Variants in PSME4 observed in about 807,000 individuals in gnomAD.
PSME4 encodes proteasome activator complex subunit 4.
In PSME4, 89 loss-of-function variants were observed where a neutral mutation model predicts 253.9. The ratio of observed to expected loss-of-function variants is 0.35; its 90% CI spans 0.30 to 0.42. PSME4 has a LOEUF of 0.42. Among genes scored for constraint, PSME4 ranks in the 10% least tolerant of loss-of-function variants. The pLI, the probability that PSME4 is intolerant of heterozygous loss-of-function variation, is 1.00. For synonymous variants in PSME4, 851 were observed against 759.2 expected (o/e 1.12, Z -1.99); for missense variants, 2,014 against 2,195.2 (o/e 0.92, Z 1.65).
intron 1 of PSME4, among the ~76,000 whole-genome samples, chr2:53,951,323 C>A (rs1049820251): frequency 1.2e-4 from 18 of 152,164 alleles, no homozygotes; most frequent in Non-Finnish European, 2.2e-4. Context: ...CCTTGAGATC[C>A]CCCCTGCCTT....
intron 20 of PSME4, among the ~76,000 whole-genome samples, chr2:53,914,943 G>A (rs917567249): frequency 6.6e-6 from 1 of 152,178 alleles, no homozygotes; most frequent in African/African-American, 2.4e-5. Flanking sequence ...CATCCCCAAA[G>A]TGGATACCAT....
chr2:53,956,395 TG>T (rs1269933812), intron 1 of PSME4, among the ~76,000 whole-genome samples: 2 of 151,372 alleles, frequency 1.3e-5, no homozygotes, highest in Non-Finnish European at 2.9e-5. Flanking sequence ...CAGGGCATGG[TG>T]GTTAGTGCCT....
intron 28 of PSME4, among the ~76,000 whole-genome samples, chr2:53,900,725 T>G (rs1680358639): frequency 6.6e-6 from 1 of 152,206 alleles, no homozygotes; most frequent in African/African-American, 2.4e-5. Flanking sequence ...AGCAACCCTA[T>G]GTTTGATTTA....
At position 53,937,440 on chromosome 2, in the gene PSME4, T is replaced by C. The variant is rs1669175626; in HGVS notation, c.646A>G (p.Ile216Val). 2 of 1,609,950 alleles carry C rather than the reference T, an allele frequency of 1.2e-6. No homozygotes were observed. Among genetic ancestry groups the C allele is most frequent in the Non-Finnish European group, 8.5e-7 (1 of 1,177,566 alleles). The change falls in exon 5 of 47, where the codon ATA (isoleucine) becomes GTA (valine). Residue 216 changes from isoleucine to valine, a missense_variant. Ile to Val is a conservative substitution (Grantham distance 29). Around this residue, in one of 4 missense-constraint regions of PSME4, gnomAD observed 615 missense variants for 594.4 expected, o/e 1.03. Coordinates refer to ENST00000404125, the MANE Select transcript of PSME4 (RefSeq NM_014614.3). ...TMQKAITYFE[I>V]FLPTSLPPEL... ...GGAGGAAGGGAGGTAGGAAGAAATA[T>C]TTCAAAATAAGTGATGGCCTTTTGC...
intron 20 of PSME4, among the ~76,000 whole-genome samples, chr2:53,911,543 C>G (rs1437436770): frequency 6.6e-6 from 1 of 152,102 alleles, no homozygotes; most frequent in African/African-American, 2.4e-5. Flanking sequence ...GAGAAAAGGC[C>G]TGTACTCAAG....
intron 34 of PSME4, among the ~76,000 whole-genome samples, chr2:53,894,126 C>A (rs1157676004): frequency 6.6e-6 from 1 of 152,146 alleles, no homozygotes; most frequent in Admixed American, 6.5e-5. Context: ...ATCCCCAAAA[C>A]TATAAGTCAA....
At chr2:53,924,521 G>C (rs1413165458) in intron 14 of PSME4, among the ~76,000 whole-genome samples, 1 of 152,164 alleles carries the variant, frequency 6.6e-6, no homozygotes, top group Non-Finnish European at 1.5e-5. Flanking sequence ...CCATCAGTTA[G>C]TCTTAGGATT....
intron 6 of PSME4, 38 bp downstream of exon 6, chr2:53,936,726 A>T: frequency 7.0e-7 from 1 of 1,433,728 alleles, no homozygotes; most frequent in African/African-American, 1.5e-5. Flanking sequence ...AGAAAAAAAA[A>T]ACTATAGGGG....
chr2:53,938,077 T>C (rs574666697), intron 4 of PSME4, among the ~76,000 whole-genome samples: 3 of 152,182 alleles, frequency 2.0e-5, no homozygotes, highest in South Asian at 2.1e-4. Context: ...CACTATGAAG[T>C]TGATAAAACT....
chr2:53,916,867 A>G (rs1005517683), intron 20 of PSME4, among the ~76,000 whole-genome samples: 3 of 152,132 alleles, frequency 2.0e-5, no homozygotes, highest in Non-Finnish European at 4.4e-5. Context: ...AGAACTTGCA[A>G]AAGTCAAAGG....
rs550465658 is a variant in PSME4 at position 53,878,122 on chromosome 2, C to A, written c.4816-2367G>T. The stretch of plus-strand genomic sequence containing the variant: ...AAGTCAGGGACCCCAAACGGAGGGA[C>A]CGGCTGAAGCCATGGCAGAAGAACA... On this transcript the variant is annotated intron_variant, in intron 41 of 46. Transcript: ENST00000404125. Among the ~76,000 whole-genome samples the A allele has an allele frequency of 5.3e-3, 806 of 152,280 alleles. 4 individuals are homozygous for A. The highest frequency in any genetic ancestry group is 0.01 in the Middle Eastern group (3 of 294).
At chr2:53,940,867 T>TATTTAAATATATAATAC (rs1553338338) in intron 3 of PSME4, among the ~76,000 whole-genome samples, 12 of 114,034 alleles carry the variant, frequency 1.1e-4, no homozygotes, top group Non-Finnish European at 2.1e-4. Context: ...ATATATAATA[T>TATTTAAATATATAATAC]ATATTTAAAT....
chr2:53,920,524 C>T (rs911564119), intron 18 of PSME4, among the ~76,000 whole-genome samples, 174 bp from the exon 19 acceptor site: 2 of 152,148 alleles, frequency 1.3e-5, no homozygotes, highest in Admixed American at 1.3e-4. Context: ...ACTGCCTCTT[C>T]GTTATCACTC....
In PSME4 at chr2:53,888,847, G is replaced by C. The variant is rs772105116; in HGVS notation, c.4297-35C>G. Reference sequence around the variant, plus strand: ...AAATATGATGTAACAGTTCAACAGAGAACCTACAATTCTGTAAACAAATCA... The same window carrying C: ...AAATATGATGTAACAGTTCAACAGACAACCTACAATTCTGTAAACAAATCA... On this transcript the variant is annotated intron_variant, in intron 37 of 46. Transcript: ENST00000404125. The C allele has an allele frequency of 1.1e-5, 16 of 1,452,090 alleles. No individual in the cohort carries two copies. The East Asian group carries it at 3.4e-4, about 31-fold the overall frequency. 90.0% of individuals were successfully genotyped at this position (1,452,090 alleles called of 1,614,324 possible). A position where few individuals can be genotyped will look rare whatever the true frequency, so the allele number is the denominator to read the frequency against.
At position 53,936,071 on chromosome 2, in the gene PSME4, C is replaced by A. The variant is rs1573328362; in HGVS notation, c.834+16G>T. ...ACCCCATGCCTGATAATTTTTTTCC[C>A]CAAAATGTTAATTACCTTTGGTACA... On this transcript the variant is annotated intron_variant, in intron 7 of 46. Coordinates refer to ENST00000404125, the MANE Select transcript of PSME4 (RefSeq NM_014614.3). 1 of 1,606,044 alleles carries A rather than the reference C, an allele frequency of 6.2e-7. No homozygotes were observed. Among genetic ancestry groups the A allele is most frequent in the South Asian group, 1.1e-5 (1 of 90,054 alleles).
intron 1 of PSME4, 79 bp downstream of exon 1, chr2:53,970,464 T>C (rs888737448): frequency 1.3e-6 from 2 of 1,541,566 alleles, no homozygotes; most frequent in Admixed American, 2.0e-5. Context: ...TCCAGCCCTC[T>C]GGACAAAGAG....
At chr2:53,956,584 A>G (rs1310917188) in intron 1 of PSME4, among the ~76,000 whole-genome samples, 11 of 151,570 alleles carry the variant, frequency 7.3e-5, no homozygotes, top group Non-Finnish European at 1.5e-4. Context: ...TATTCTATAT[A>G]TTTTTTGAGA....
chr2:53,958,741 TTATACCTAAAACATC>T (rs1421224865), intron 1 of PSME4, among the ~76,000 whole-genome samples: 3 of 151,778 alleles, frequency 2.0e-5, no homozygotes, highest in Non-Finnish European at 4.4e-5. Flanking sequence ...AATGCTATGA[TTATACCTAAAACATC>T]TGAAACAACT....
intron 1 of PSME4, among the ~76,000 whole-genome samples, chr2:53,958,289 G>C (rs1456711513): frequency 6.6e-6 from 1 of 151,844 alleles, no homozygotes; most frequent in Non-Finnish European, 1.5e-5. Context: ...CCAGGAGGTG[G>C]AGATTGCAGT....
Sources: gnomAD v4.1 joint callset for allele counts (sites outside exome capture counted in the v4.1 genomes callset) on GRCh38, gnomAD v4.1.1 for gene constraint, gnomAD v4.1.1 regional missense constraint, MANE v1.5 for transcripts, NCBI Gene and HGNC (gene_info 2026-07-23, HGNC 2026-07-21) for gene names.